The following GRM5 variants were observed in gnomAD, a reference collection of about 807,000 sequenced individuals.
GRM5 encodes the protein glutamate metabotropic receptor 5, also known as metabotropic glutamate receptor 5.
In GRM5, 19 loss-of-function variants were observed where a neutral mutation model predicts 83.1. The observed-to-expected ratio is 0.23, with a 90% CI of 0.16 to 0.34. The LOEUF is 0.34. Among genes scored for constraint, GRM5 ranks in the 10% least tolerant of loss-of-function variants. The pLI is 1.00. For missense variants in GRM5, 1,160 were observed against 1,588.3 expected, an observed-to-expected ratio of 0.73 and a Z score of 4.58; for synonymous variants, 675 against 633.6, an observed-to-expected ratio of 1.07 and a Z score of -0.98.
At chr11:88,531,126 G>A (rs192473180) in intron 8 of GRM5, among the ~76,000 whole-genome samples, 1 of 152,078 alleles carries the variant, frequency 6.6e-6, no homozygotes, top group African/African-American at 2.4e-5. Context: ...TCACATTTTT[G>A]TATGTAAGGG....
intron 4 of GRM5, among the ~76,000 whole-genome samples, chr11:88,616,976 T>C (rs1231127844): frequency 6.6e-6 from 1 of 152,144 alleles, no homozygotes; most frequent in African/African-American, 2.4e-5. Flanking sequence ...ATTGGCTCTA[T>C]TAATATATGT....
At chr11:88,759,282 A>G (rs1453255085) in intron 3 of GRM5, among the ~76,000 whole-genome samples, 1 of 152,176 alleles carries the variant, frequency 6.6e-6, no homozygotes, top group Non-Finnish European at 1.5e-5. Flanking sequence ...ACAGGGTAGC[A>G]AGCTAGATTA....
intron 2 of GRM5, among the ~76,000 whole-genome samples, chr11:88,851,740 T>C (rs1239934160): frequency 6.6e-6 from 1 of 152,204 alleles, no homozygotes; most frequent in Non-Finnish European, 1.5e-5. Flanking sequence ...TTTATCTCCA[T>C]GAACAAACTG....
intron 2 of GRM5, among the ~76,000 whole-genome samples, chr11:88,865,367 C>T (rs1325954433): frequency 7.9e-5 from 12 of 152,026 alleles, no homozygotes; most frequent in African/African-American, 2.4e-4. Flanking sequence ...ATGCAGAAAA[C>T]GAAAACTGGA....
At chr11:88,811,835 G>T (rs541501943) in intron 3 of GRM5, among the ~76,000 whole-genome samples, 430 of 152,070 alleles carry the variant, frequency 2.8e-3, no homozygotes, top group Non-Finnish European at 5.2e-3. Context: ...TCCTCTTCCA[G>T]GGGTACCATG....
At chr11:88,741,668 T>C (rs1942032325) in intron 3 of GRM5, among the ~76,000 whole-genome samples, 1 of 151,752 alleles carries the variant, frequency 6.6e-6, no homozygotes, top group Non-Finnish European at 1.5e-5. Context: ...TCTAGTAAGG[T>C]AGTTCTTCAA....
At chr11:88,571,763 T>G (rs1479524930) in intron 7 of GRM5, among the ~76,000 whole-genome samples, 3 of 152,146 alleles carry the variant, frequency 2.0e-5, no homozygotes, top group Non-Finnish European at 1.5e-5. Flanking sequence ...CTAACCTTAC[T>G]TAAGGCTTTT....
At chr11:89,008,722 C>G (rs997175182) in intron 2 of GRM5, among the ~76,000 whole-genome samples, 6 of 152,044 alleles carry the variant, frequency 3.9e-5, no homozygotes, top group Non-Finnish European at 8.8e-5. Context: ...ATATACTCTG[C>G]TATTTCTAAT....
At chr11:88,613,084 T>C (rs905608203) in intron 4 of GRM5, among the ~76,000 whole-genome samples, 1 of 152,202 alleles carries the variant, frequency 6.6e-6, no homozygotes, top group Non-Finnish European at 1.5e-5. Context: ...TGTCAATTTC[T>C]TTGAATTTGC....
At chr11:88,598,971 G>A (rs1937898832) in intron 5 of GRM5, among the ~76,000 whole-genome samples, 1 of 152,210 alleles carries the variant, frequency 6.6e-6, no homozygotes, top group Non-Finnish European at 1.5e-5. Flanking sequence ...TACAGAGTAT[G>A]TAAGCATCAG....
At chr11:88,802,743 T>C (rs1230569338) in intron 3 of GRM5, among the ~76,000 whole-genome samples, 2 of 150,454 alleles carry the variant, frequency 1.3e-5, no homozygotes, top group Admixed American at 6.6e-5. Context: ...GGAAGTCAAA[T>C]TGTCCCTGTT....
intron 3 of GRM5, among the ~76,000 whole-genome samples, chr11:88,661,539 G>T (rs1337132066): frequency 6.6e-6 from 1 of 151,602 alleles, no homozygotes; most frequent in Non-Finnish European, 1.5e-5. Context: ...TCATCATCCT[G>T]CCAAATCTCT....
chr11:88,752,468 G>A (rs111913367), intron 3 of GRM5, among the ~76,000 whole-genome samples: 17,316 of 152,184 alleles, frequency 0.11, 2,150 homozygotes, highest in African/African-American at 0.31. Flanking sequence ...CAAACAAATG[G>A]AGAAACATTC....
chr11:88,994,023 A>G (rs1940087138), intron 2 of GRM5, among the ~76,000 whole-genome samples: 2 of 152,166 alleles, frequency 1.3e-5, no homozygotes, highest in African/African-American at 4.8e-5. Context: ...AACCTCAGTA[A>G]AGTTTTATAA....
chr11:88,862,229 G>T (rs1404403573), intron 2 of GRM5, among the ~76,000 whole-genome samples: 1 of 152,050 alleles, frequency 6.6e-6, no homozygotes, highest in Non-Finnish European at 1.5e-5. Flanking sequence ...TTTGGGAAAT[G>T]GCTTACCTTT....
chr11:88,724,761 C>A (rs1426461812), intron 3 of GRM5, among the ~76,000 whole-genome samples: 2 of 152,046 alleles, frequency 1.3e-5, no homozygotes, highest in Non-Finnish European at 2.9e-5. Context: ...GGAGGGTGAG[C>A]TGAAGCAGGG....
chr11:88,780,063 T>G (rs568191209), intron 3 of GRM5, among the ~76,000 whole-genome samples: 1 of 152,202 alleles, frequency 6.6e-6, no homozygotes, highest in South Asian at 2.1e-4. Flanking sequence ...ATCTCAACTC[T>G]TCTGCAGAAT....
intron 3 of GRM5, among the ~76,000 whole-genome samples, chr11:88,713,070 T>C (rs773642540): frequency 6.6e-6 from 1 of 151,954 alleles, no homozygotes; most frequent in Non-Finnish European, 1.5e-5. Context: ...TATTAGTAGG[T>C]TTATGGCAAA....
chr11:89,021,520 A>T (rs1254711513), intron 2 of GRM5, among the ~76,000 whole-genome samples: 1 of 152,224 alleles, frequency 6.6e-6, no homozygotes, highest in Admixed American at 6.5e-5. Context: ...TCAACTCAAG[A>T]AAATGATTAA....
Sources: allele counts gnomAD v4.1 joint callset (sites outside exome capture counted in the v4.1 genomes callset), GRCh38; gene constraint gnomAD v4.1.1; transcripts MANE v1.5; gene names NCBI Gene and HGNC (gene_info 2026-07-23, HGNC 2026-07-21).